GLRA3: variants seen among roughly 807,000 people sequenced by gnomAD.
GLRA3 encodes glycine receptor subunit alpha-3.
Under a neutral mutation model 60.4 loss-of-function variants are expected in GLRA3, and 44 were observed. The observed-to-expected ratio is 0.73, with a 90% CI of 0.57 to 0.94. The LOEUF is 0.94. GLRA3 is among the 40% of genes least tolerant of loss of function. The probability of loss-of-function intolerance (pLI) is 0.00; values close to 1 mark genes in which losing one functional copy is unlikely to be tolerated. For synonymous variants in GLRA3, 223 were observed against 192.9 expected, an observed-to-expected ratio of 1.16 and a Z score of -1.29; for missense variants, 508 against 564.6, an observed-to-expected ratio of 0.90 and a Z score of 1.02.
chr4:174,817,810 T>C (rs1181377868), intron 1 of GLRA3, among the ~76,000 whole-genome samples: 3 of 152,144 alleles, frequency 2.0e-5, no homozygotes, highest in African/African-American at 7.2e-5. Flanking sequence ...TTTCGTCATG[T>C]TGGCCAGTCT....
At chr4:174,644,191 G>T in intron 9 of GLRA3, 127 bp from the exon 10 acceptor site, 1 of 642,388 alleles carries the variant, frequency 1.6e-6, no homozygotes, top group Non-Finnish European at 2.7e-6. Context: ...GATAACCGAA[G>T]CATATAAAGA....
intron 1 of GLRA3, among the ~76,000 whole-genome samples, chr4:174,799,028 G>A (rs1488148592): frequency 3.9e-5 from 6 of 152,152 alleles, no homozygotes; most frequent in Non-Finnish European, 8.8e-5. Context: ...TCAGCAATGT[G>A]CCAGTGAAAT....
At chr4:174,691,674 G>A (rs1267799825) in intron 5 of GLRA3, among the ~76,000 whole-genome samples, 5 of 152,192 alleles carry the variant, frequency 3.3e-5, no homozygotes, top group South Asian at 2.1e-4. Context: ...GATTGCAGAC[G>A]GAGTCTGGTT....
At chr4:174,728,367 A>G (rs1736400108) in intron 4 of GLRA3, 108 bp downstream of exon 4, 4 of 634,470 alleles carry the variant, frequency 6.3e-6, no homozygotes, top group Non-Finnish European at 1.1e-5. Flanking sequence ...AAGTGCAACA[A>G]TGATAGCACT....
intron 1 of GLRA3, among the ~76,000 whole-genome samples, chr4:174,816,455 G>T (rs936451320): frequency 6.6e-6 from 1 of 152,108 alleles, no homozygotes; most frequent in Non-Finnish European, 1.5e-5. Context: ...TAGGCATCAC[G>T]TTCACTATAC....
chr4:174,808,159 CA>C (rs781279284), intron 1 of GLRA3, among the ~76,000 whole-genome samples: 50 of 151,852 alleles, frequency 3.3e-4, no homozygotes, highest in Non-Finnish European at 6.3e-4. Flanking sequence ...CACTTAAAGC[CA>C]GAAGAAAACA....
chr4:174,672,838 T>C (rs1733961863), intron 7 of GLRA3, among the ~76,000 whole-genome samples: 1 of 152,138 alleles, frequency 6.6e-6, no homozygotes, highest in Admixed American at 6.5e-5. Context: ...TGTTAAGAGC[T>C]AGGGTTTGGA....
intron 3 of GLRA3, among the ~76,000 whole-genome samples, chr4:174,737,151 A>T (rs1228164133): frequency 6.6e-6 from 1 of 152,190 alleles, no homozygotes; most frequent in Non-Finnish European, 1.5e-5. Context: ...AGAAAAAAAG[A>T]TTTATTTTGG....
At chr4:174,746,189 A>C (rs149167562) in intron 3 of GLRA3, among the ~76,000 whole-genome samples, 4 of 152,308 alleles carry the variant, frequency 2.6e-5, no homozygotes, top group African/African-American at 9.6e-5. Context: ...GGATACCTGC[A>C]CTTGTACGTT....
chr4:174,664,786 T>C (rs904066195), intron 7 of GLRA3, among the ~76,000 whole-genome samples: 2 of 152,182 alleles, frequency 1.3e-5, no homozygotes, highest in African/African-American at 4.8e-5. Context: ...CCTTCAAAAT[T>C]AGCCCTTCAT....
intron 1 of GLRA3, among the ~76,000 whole-genome samples, chr4:174,808,514 T>A (rs1239514795): frequency 2.0e-5 from 3 of 152,180 alleles, no homozygotes; most frequent in South Asian, 2.1e-4. Context: ...GGTTTATATA[T>A]TTACCCTACT....
intron 7 of GLRA3, among the ~76,000 whole-genome samples, chr4:174,676,200 C>T (rs1734110055): frequency 6.6e-6 from 1 of 152,044 alleles, no homozygotes; most frequent in African/African-American, 2.4e-5. Flanking sequence ...GGGTCTTTTA[C>T]AAACCTCACA....
intron 5 of GLRA3, among the ~76,000 whole-genome samples, chr4:174,705,183 T>G (rs1387719529): frequency 7.0e-6 from 1 of 143,884 alleles, no homozygotes; most frequent in African/African-American, 2.5e-5. Context: ...AACAGGAGAT[T>G]GGGTCATGAG....
At chr4:174,738,239 T>C (rs1425175214) in intron 3 of GLRA3, among the ~76,000 whole-genome samples, 1 of 152,180 alleles carries the variant, frequency 6.6e-6, no homozygotes, top group Non-Finnish European at 1.5e-5. Context: ...CTGCAACAAA[T>C]AAAATTTTAA....
Position 174,745,417 on chromosome 4 carries a change from A to G in GLRA3, c.268-16719T>C, listed in dbSNP as rs139614249. Among the ~76,000 whole-genome samples the G allele has an allele frequency of 3.9e-3, 598 of 152,250 alleles. 5 individuals carry two copies. Among genetic ancestry groups the G allele is most frequent in the African/African-American group, 0.013 (557 of 41,542 alleles). On this transcript the variant is annotated intron_variant, in intron 3 of 9. Coordinates refer to ENST00000274093, the MANE Select transcript of GLRA3 (RefSeq NM_006529.4). ...GAGAAAAGCATCTAGTCACCCCTAA[A>G]GTAGTTACCGTCAGACTAACAGTAA...
At chr4:174,732,673 C>T (rs1352056) in intron 3 of GLRA3, among the ~76,000 whole-genome samples, 64,488 of 151,646 alleles carry the variant, frequency 0.43, 13,920 homozygotes, top group South Asian at 0.47. Context: ...ATGAATCTTA[C>T]AAATGTAAAA....
rs1554010210 is a variant in GLRA3 at position 174,666,777 on chromosome 4, A to ATATG, written c.928-7581_928-7580insCATA. On this transcript the variant is annotated intron_variant, in intron 7 of 9. Coordinates refer to ENST00000274093, the MANE Select transcript of GLRA3 (RefSeq NM_006529.4). ...ATATATATTATATATATATATATAT[A>ATATG]TATAATTGGATTTTATTGCTGTCAG... 2.0e-3 allele frequency among the ~76,000 whole-genome samples: 282 copies of ATATG among 144,226 alleles called. 3 individuals are homozygous for ATATG. In the East Asian group the frequency reaches 0.022, roughly 11 times the overall value. 94.6% of individuals were successfully genotyped at this position (144,226 alleles called of 152,430 possible). A position where few individuals can be genotyped will look rare whatever the true frequency, so the allele number is the denominator to read the frequency against.
At chr4:174,655,658 A>T (rs1284918642) in intron 9 of GLRA3, among the ~76,000 whole-genome samples, 1 of 152,130 alleles carries the variant, frequency 6.6e-6, no homozygotes, top group East Asian at 1.9e-4. Context: ...ACTATATCTA[A>T]TTATGTAATT....
At chr4:174,785,434 G>T (rs1739085014) in intron 2 of GLRA3, among the ~76,000 whole-genome samples, 1 of 152,050 alleles carries the variant, frequency 6.6e-6, no homozygotes, top group Non-Finnish European at 1.5e-5. Context: ...TGTATATAAT[G>T]CTGGAACATT....
Sources: allele counts gnomAD v4.1 joint callset (sites outside exome capture counted in the v4.1 genomes callset), GRCh38; gene constraint gnomAD v4.1.1; transcripts MANE v1.5; gene names NCBI Gene and HGNC (gene_info 2026-07-23, HGNC 2026-07-21).